Variants in KCNE2 observed in about 807,000 individuals in gnomAD.
KCNE2 encodes the protein potassium voltage-gated channel subfamily E member 2.
A neutral mutation model predicts 4.5 loss-of-function variants in KCNE2; 4 were observed. The ratio of observed to expected loss-of-function variants is 0.89; its 90% CI spans 0.44 to 2.03. KCNE2 has a LOEUF of 2.03. Among genes scored for constraint, KCNE2 ranks in the 30% most tolerant of loss-of-function variants. The pLI is 0.03. For synonymous variants in KCNE2, 57 were observed against 55.9 expected, an observed-to-expected ratio of 1.02 and a Z score of -0.09; for missense variants, 137 against 151.4, an observed-to-expected ratio of 0.90 and a Z score of 0.50.
rs1409202816 is a variant in KCNE2 at position 34,371,276 on chromosome 21, A to C, written c.*426A>C. 1.7e-5 allele frequency: 4 copies of C among 232,994 alleles called. No homozygotes were observed. The highest frequency in any genetic ancestry group is 9.2e-5 in the African/African-American group (4 of 43,280). 14.4% of individuals were successfully genotyped at this position (232,994 alleles called of 1,614,324 possible). A position where few individuals can be genotyped will look rare whatever the true frequency, so the allele number is the denominator to read the frequency against. Reference sequence around the variant, plus strand: ...ACCCAGATGTATTATGTAGAAGCTGAGGCTCAAAAGCTATCACTTGCTTAC... The same window carrying C: ...ACCCAGATGTATTATGTAGAAGCTGCGGCTCAAAAGCTATCACTTGCTTAC... On this transcript the variant is annotated 3_prime_UTR_variant, in exon 2 of 2. Transcript: ENST00000290310.
intron 1 of KCNE2, 88 bp from the exon 2 acceptor site, chr21:34,370,378 TG>T: frequency 6.8e-7 from 1 of 1,479,910 alleles, no homozygotes; most frequent in Non-Finnish European, 9.4e-7. Flanking sequence ...ACTTATACCC[TG>T]GCATCTCCCT....
At chr21:34,368,229 A>ACTATAT (rs781775671) in intron 1 of KCNE2, among the ~76,000 whole-genome samples, 16 of 84,796 alleles carry the variant, frequency 1.9e-4, no homozygotes, top group African/African-American at 3.0e-4. Flanking sequence ...ACACACACAC[A>ACTATAT]ATATATATAT....
intron 1 of KCNE2, among the ~76,000 whole-genome samples, chr21:34,368,889 G>T (rs1329162031): frequency 6.6e-6 from 1 of 152,148 alleles, no homozygotes; most frequent in South Asian, 2.1e-4. Flanking sequence ...TGAAGAAAAA[G>T]GAGATGCTGT....
At chr21:34,368,229 A>AATATATATATATAT (rs10596236) in intron 1 of KCNE2, among the ~76,000 whole-genome samples, 944 of 84,558 alleles carry the variant, frequency 0.011, 11 homozygotes, top group East Asian at 0.016. Flanking sequence ...ACACACACAC[A>AATATATATATATAT]ATATATATAT....
chr21:34,368,909 ATGG>A (rs896299992), intron 1 of KCNE2, among the ~76,000 whole-genome samples: 13 of 152,076 alleles, frequency 8.5e-5, no homozygotes, highest in African/African-American at 2.9e-4. Flanking sequence ...TTGGAGGAAA[ATGG>A]TGGTGGTGGT....
chr21:34,367,471 G>GTATATACCTT (rs1263772514), intron 1 of KCNE2, among the ~76,000 whole-genome samples: 11 of 152,270 alleles, frequency 7.2e-5, no homozygotes, highest in African/African-American at 2.6e-4. Flanking sequence ...ATATACCCTG[G>GTATATACCTT]GGCAATCTTA....
chr21:34,367,793 C>T lies in KCNE2; in HGVS notation c.-12-2674C>T, dbSNP rs375390604. On this transcript the variant is annotated intron_variant, in intron 1 of 1. Transcript: ENST00000290310. ...TAAAGAGACGGGCATGTCTTTAGAACGGCAGCAGGCAAACCCACTGCTGGG... is the reference window on the plus strand; with the variant it reads ...TAAAGAGACGGGCATGTCTTTAGAATGGCAGCAGGCAAACCCACTGCTGGG... 2.6e-5 allele frequency among the ~76,000 whole-genome samples: 4 copies of T among 152,222 alleles called. No individual in the cohort carries two copies. The South Asian group carries it at 8.3e-4, about 32-fold the overall frequency.
chr21:34,370,557 C>A lies in KCNE2; in HGVS notation c.79C>A (p.Arg27Ser), dbSNP rs74315449. The A allele has an allele frequency of 7.4e-6, 12 of 1,614,180 alleles. No homozygotes were observed. Among genetic ancestry groups the A allele is most frequent in the Non-Finnish European group, 1.0e-5 (12 of 1,180,030 alleles). ...RIFITYMDNWRQNTTAEQEAL... is the reference protein window; with the variant it reads ...RIFITYMDNWSQNTTAEQEAL... ...TTTTATTACTTATATGGACAATTGG[C>A]GCCAGAACACAACAGCTGAGCAAGA... Residue 27 changes from arginine to serine, a missense_variant, in exon 2 of 2, where the codon CGC becomes AGC. Arg to Ser is a moderately radical substitution (Grantham distance 110). Transcript: ENST00000290310.
chr21:34,364,615 CA>C (rs879548059), intron 1 of KCNE2, among the ~76,000 whole-genome samples: 8 of 151,424 alleles, frequency 5.3e-5, no homozygotes, highest in Admixed American at 2.0e-4. Context: ...ACTAAAAATA[CA>C]AAAAAAATTA....
intron 1 of KCNE2, among the ~76,000 whole-genome samples, chr21:34,364,873 C>T (rs1727873928): frequency 6.6e-6 from 1 of 152,108 alleles, no homozygotes; most frequent in African/African-American, 2.4e-5. Context: ...GAATAACACA[C>T]ATTCATGACA....
At chr21:34,365,859 T>G (rs1010668) in intron 1 of KCNE2, among the ~76,000 whole-genome samples, 134,018 of 152,262 alleles carry the variant, frequency 0.88, 59,137 homozygotes, top group East Asian at 0.98. Context: ...CTGTGATTTG[T>G]TTTTTTCCTG....
At chr21:34,366,708 G>A (rs1005061766) in intron 1 of KCNE2, among the ~76,000 whole-genome samples, 2 of 152,044 alleles carry the variant, frequency 1.3e-5, no homozygotes, top group Admixed American at 6.5e-5. Context: ...GGCCGGGCAC[G>A]GTGGCTCACG....
In KCNE2 at chr21:34,370,621, A is replaced by C. The variant is rs758863768; in HGVS notation, c.143A>C (p.Tyr48Ser). Residue 48 changes from tyrosine (Y) to serine (S), a missense_variant, in exon 2 of 2, where the codon TAT (tyrosine) becomes TCT (serine). By Grantham distance (144) the Tyr-to-Ser change is moderately radical. Transcript: ENST00000290310. Reference protein sequence around the residue: ...QAKVDAENFYYVILYLMVMIG... With the variant: ...QAKVDAENFYSVILYLMVMIG... ...AAAGTTGATGCTGAGAACTTCTACTATGTCATCCTGTACCTCATGGTGATG... is the reference window on the plus strand; with the variant it reads ...AAAGTTGATGCTGAGAACTTCTACTCTGTCATCCTGTACCTCATGGTGATG... The C allele has an allele frequency of 6.2e-7, 1 of 1,614,056 alleles. No homozygotes were observed. Among genetic ancestry groups the C allele is most frequent in the East Asian group, 2.2e-5 (1 of 44,904 alleles).
intron 1 of KCNE2, among the ~76,000 whole-genome samples, chr21:34,366,117 T>C (rs1603058727): frequency 6.6e-6 from 1 of 152,146 alleles, no homozygotes; most frequent in Non-Finnish European, 1.5e-5. Context: ...TGCTTAGCTC[T>C]AAAAGGCTGG....
intron 1 of KCNE2, among the ~76,000 whole-genome samples, chr21:34,369,923 C>A (rs1385599068): frequency 6.6e-6 from 1 of 152,196 alleles, no homozygotes; most frequent in Non-Finnish European, 1.5e-5. Context: ...TAATGCCCCA[C>A]AATTCTCTAA....
At chr21:34,368,229 A>AATATATATATATATATATATAT (rs10596236) in intron 1 of KCNE2, among the ~76,000 whole-genome samples, 26 of 84,788 alleles carry the variant, frequency 3.1e-4, no homozygotes, top group South Asian at 4.5e-4. Flanking sequence ...ACACACACAC[A>AATATATATATATATATATATAT]ATATATATAT....
intron 1 of KCNE2, among the ~76,000 whole-genome samples, chr21:34,365,676 C>T (rs774286162): frequency 6.2e-4 from 95 of 152,232 alleles, no homozygotes; most frequent in Admixed American, 1.2e-3. Flanking sequence ...CCTCCCACCT[C>T]GGCCTCCCGA....
rs191967105 is a variant in KCNE2 at position 34,366,961 on chromosome 21, A to G, written c.-13+2810A>G. Among the ~76,000 whole-genome samples, 6 of 135,458 alleles carry G rather than the reference A, an allele frequency of 4.4e-5. No homozygotes were observed. The South Asian group carries it at 8.1e-4, about 18-fold the overall frequency. The allele number at this position is 135,458 out of a possible 152,430, so 88.9% of individuals were successfully genotyped here. ...GCCACTGCACTCCAGCCTGGGCAAA[A>G]GAGACTCCATCTCAAAAAAAAAAAA... On this transcript the variant is annotated intron_variant, in intron 1 of 1. Coordinates refer to ENST00000290310, the MANE Select transcript of KCNE2 (RefSeq NM_172201.2).
chr21:34,369,007 G>T (rs1451610590), intron 1 of KCNE2, among the ~76,000 whole-genome samples: 1 of 152,060 alleles, frequency 6.6e-6, no homozygotes, highest in African/African-American at 2.4e-5. Flanking sequence ...GCAGGTGGAA[G>T]AGAAAGGCAA....
Sources: gnomAD v4.1 joint callset for allele counts (sites outside exome capture counted in the v4.1 genomes callset) on GRCh38, gnomAD v4.1.1 for gene constraint, MANE v1.5 for transcripts, NCBI Gene and HGNC (gene_info 2026-07-23, HGNC 2026-07-21) for gene names.